Variants in RAPGEF6 observed in about 807,000 individuals in gnomAD.
RAPGEF6 encodes the protein PDZ domain containing guanine nucleotide exchange factor (GEF) 2.
In RAPGEF6, 56 loss-of-function variants were observed where a neutral mutation model predicts 171.4. The ratio of observed to expected loss-of-function variants is 0.33; its 90% CI spans 0.26 to 0.41. The LOEUF is 0.41. RAPGEF6 is among the 10% of genes least tolerant of loss of function. The pLI, the probability that RAPGEF6 is intolerant of heterozygous loss-of-function variation, is 1.00. For synonymous variants in RAPGEF6, 692 were observed against 650.1 expected, an observed-to-expected ratio of 1.06 and a Z score of -0.98; for missense variants, 1,674 against 1,921.4, an observed-to-expected ratio of 0.87 and a Z score of 2.41.
chr5:131,484,493 G>A (rs1243116867), intron 15 of RAPGEF6, among the ~76,000 whole-genome samples: 1 of 152,114 alleles, frequency 6.6e-6, no homozygotes, highest in African/African-American at 2.4e-5. Flanking sequence ...GGGATTACAG[G>A]CGTGAGCCAC....
chr5:131,493,757 A>G (rs901712587), intron 13 of RAPGEF6, among the ~76,000 whole-genome samples: 21 of 152,186 alleles, frequency 1.4e-4, no homozygotes, highest in African/African-American at 5.1e-4. Context: ...GTAGAATGCA[A>G]TGAATACCTG....
rs565747279 is a variant in RAPGEF6, at chr5:131,474,151, AC to A, written c.2082-1408del. Among the ~76,000 whole-genome samples, 3 of 152,294 alleles carry A rather than the reference AC, an allele frequency of 2.0e-5. No homozygotes were observed. The East Asian group carries it at 5.8e-4, about 29-fold the overall frequency. On this transcript the variant is annotated intron_variant, in intron 16 of 27. Coordinates refer to ENST00000509018, the MANE Select transcript of RAPGEF6 (RefSeq NM_016340.6). Reference sequence around the variant, plus strand: ...ACAGGACTTTAATTCTTAAGAATGGACTTACTTTTACAAAAATTAAAATGAG... The same window carrying A: ...ACAGGACTTTAATTCTTAAGAATGGATTACTTTTACAAAAATTAAAATGAG...
intron 1 of RAPGEF6, among the ~76,000 whole-genome samples, chr5:131,606,371 A>AG (rs1404072873): frequency 6.6e-6 from 1 of 151,998 alleles, no homozygotes; most frequent in East Asian, 1.9e-4. Context: ...AGGGAAAAAA[A>AG]AAAAAAAAAA....
At chr5:131,502,799 TTTTG>T (rs898595451) in intron 11 of RAPGEF6, among the ~76,000 whole-genome samples, 4 of 152,006 alleles carry the variant, frequency 2.6e-5, no homozygotes, top group African/African-American at 7.2e-5. Flanking sequence ...CTGAATCTGT[TTTTG>T]TTTGTTTGTT....
intron 7 of RAPGEF6, among the ~76,000 whole-genome samples, chr5:131,514,791 C>G (rs1757968710): frequency 1.3e-5 from 2 of 152,038 alleles, no homozygotes; most frequent in African/African-American, 2.4e-5. Context: ...ATATGTGGGT[C>G]AAAAGACACT....
chr5:131,529,126 A>G (rs948562851), intron 6 of RAPGEF6, among the ~76,000 whole-genome samples: 7 of 151,330 alleles, frequency 4.6e-5, no homozygotes, highest in African/African-American at 1.7e-4. Flanking sequence ...AAAAAACTCA[A>G]TTTGATTTCT....
intron 1 of RAPGEF6, among the ~76,000 whole-genome samples, chr5:131,606,849 A>C (rs1764629408): frequency 6.6e-6 from 1 of 152,234 alleles, no homozygotes; most frequent in South Asian, 2.1e-4. Flanking sequence ...AAGGTACTAG[A>C]TATGTAAGTT....
intron 6 of RAPGEF6, among the ~76,000 whole-genome samples, chr5:131,535,174 T>C (rs549446408): frequency 3.3e-5 from 5 of 152,264 alleles, no homozygotes; most frequent in East Asian, 3.9e-4. Context: ...AATCATCTCA[T>C]AGTATCTTCG....
rs1000812454 is a variant in RAPGEF6 at position 131,425,341 on chromosome 5, G to A, written c.*1925C>T. The A allele has an allele frequency of 3.3e-5, 5 of 152,320 alleles. No homozygotes were observed. The highest frequency in any genetic ancestry group is 1.2e-4 in the African/African-American group (5 of 41,436). 9.4% of individuals were successfully genotyped at this position (152,320 alleles called of 1,614,324 possible). On this transcript the variant is annotated 3_prime_UTR_variant, in exon 28 of 28. Coordinates refer to ENST00000509018, the MANE Select transcript of RAPGEF6 (RefSeq NM_016340.6). ...GACATCTGAATTTGATAAAAAAAGT[G>A]GGTATAGCAAAAATATATTTCACAT... is the stretch of plus-strand genomic sequence containing the variant.
At chr5:131,494,310 C>G (rs926898657) in intron 13 of RAPGEF6, among the ~76,000 whole-genome samples, 2 of 152,210 alleles carry the variant, frequency 1.3e-5, no homozygotes, top group African/African-American at 4.8e-5. Context: ...GCAACCAAGT[C>G]ACAGCTCAAA....
At chr5:131,441,441 T>C (rs1689786732) in intron 23 of RAPGEF6, among the ~76,000 whole-genome samples, 1 of 152,238 alleles carries the variant, frequency 6.6e-6, no homozygotes, top group Admixed American at 6.5e-5. Context: ...TTCCTCAGCC[T>C]GAAGCAACTT....
rs1475809485 is a variant in RAPGEF6, at chr5:131,426,277, T to G, written c.*989A>C. The stretch of plus-strand genomic sequence containing the variant: ...CTGCATAAAGTCAAATTCGTCTTCA[T>G]TATTACAACACCCATGATAAGAATT... On this transcript the variant is annotated 3_prime_UTR_variant, in exon 28 of 28. Transcript: ENST00000509018. 5 of 152,332 alleles carry G rather than the reference T, an allele frequency of 3.3e-5. No homozygotes were observed. The allele number at this position is 152,332 out of a possible 1,614,324, so 9.4% of individuals were successfully genotyped here. A position where few individuals can be genotyped will look rare whatever the true frequency, so the allele number is the denominator to read the frequency against.
intron 3 of RAPGEF6, among the ~76,000 whole-genome samples, chr5:131,595,326 C>T (rs1763833800): frequency 6.6e-6 from 1 of 152,118 alleles, no homozygotes; most frequent in Non-Finnish European, 1.5e-5. Context: ...GTTTCCCCTT[C>T]ACCTTCTGCT....
At chr5:131,448,815 C>T (rs902037294) in intron 21 of RAPGEF6, among the ~76,000 whole-genome samples, 2 of 152,136 alleles carry the variant, frequency 1.3e-5, no homozygotes, top group African/African-American at 4.8e-5. Flanking sequence ...CCAATGCCCA[C>T]TAAAAGATAT....
At chr5:131,601,329 G>C (rs1764242218) in intron 3 of RAPGEF6, among the ~76,000 whole-genome samples, 1 of 149,508 alleles carries the variant, frequency 6.7e-6, no homozygotes, top group African/African-American at 2.5e-5. Flanking sequence ...AGGTTGCAGT[G>C]AGCCAAGGTC....
At chr5:131,569,941 C>T (rs1344739680) in intron 4 of RAPGEF6, among the ~76,000 whole-genome samples, 1 of 144,668 alleles carries the variant, frequency 6.9e-6, no homozygotes, top group Non-Finnish European at 1.5e-5. Context: ...ACTTGGGAGG[C>T]TGAGGCAGGA....
chr5:131,505,536 C>T lies in RAPGEF6; in HGVS notation c.943-14G>A. 4 of 1,603,750 alleles carry T rather than the reference C, an allele frequency of 2.5e-6. No homozygotes were observed. The highest frequency in any genetic ancestry group is 3.4e-6 in the Non-Finnish European group (4 of 1,174,604). Reference sequence around the variant, plus strand: ...CCATGAGTCAAGCTATAGAGAAAAACAAAGGTTTTATGAATCTTTTTAAAA... The same window carrying T: ...CCATGAGTCAAGCTATAGAGAAAAATAAAGGTTTTATGAATCTTTTTAAAA... On this transcript the variant is annotated splice_polypyrimidine_tract_variant and intron_variant, in intron 9 of 27. Transcript: ENST00000509018.
chr5:131,492,120 ATATAGT>A (rs1450962197), intron 14 of RAPGEF6, among the ~76,000 whole-genome samples: 2 of 152,336 alleles, frequency 1.3e-5, no homozygotes, highest in East Asian at 3.9e-4. Flanking sequence ...TTGCTTATGG[ATATAGT>A]TATGTTACCA....
At chr5:131,486,600 T>C (rs1755903283) in intron 15 of RAPGEF6, among the ~76,000 whole-genome samples, 1 of 152,180 alleles carries the variant, frequency 6.6e-6, no homozygotes, top group Non-Finnish European at 1.5e-5. Flanking sequence ...TTCCATAGTA[T>C]GGGAGATTTT....
Sources: gnomAD v4.1 joint callset for allele counts (sites outside exome capture counted in the v4.1 genomes callset) on GRCh38, gnomAD v4.1.1 for gene constraint, MANE v1.5 for transcripts, NCBI Gene and HGNC (gene_info 2026-07-23, HGNC 2026-07-21) for gene names.